ADGRB3: variants seen among roughly 807,000 people sequenced by gnomAD.
ADGRB3 encodes brain-specific angiogenesis inhibitor 3.
A neutral mutation model predicts 193.4 loss-of-function variants in ADGRB3; 37 were observed. That is an observed-to-expected ratio of 0.19 (90% confidence interval 0.15 to 0.25). The LOEUF is 0.25. Among genes scored for constraint, ADGRB3 ranks in the 10% least tolerant of loss-of-function variants. The pLI, the probability that ADGRB3 is intolerant of heterozygous loss-of-function variation, is 1.00. For missense variants in ADGRB3, 1,637 were observed against 1,852.9 expected (o/e 0.88, Z 2.14); for synonymous variants, 690 against 644.2 (o/e 1.07, Z -1.08).
intron 17 of ADGRB3, among the ~76,000 whole-genome samples, chr6:69,165,313 A>C (rs1262086750): frequency 6.6e-6 from 1 of 152,080 alleles, no homozygotes; most frequent in African/African-American, 2.4e-5. Context: ...CTAAATTAAG[A>C]ATCTCAGGAT....
chr6:68,716,210 G>A (rs1258275629), intron 3 of ADGRB3, among the ~76,000 whole-genome samples: 1 of 151,560 alleles, frequency 6.6e-6, no homozygotes, highest in African/African-American at 2.4e-5. Flanking sequence ...TAAATGTCTG[G>A]GAATACCTGG....
chr6:69,089,750 C>T (rs1295158964), intron 17 of ADGRB3, among the ~76,000 whole-genome samples: 3 of 152,170 alleles, frequency 2.0e-5, no homozygotes, highest in South Asian at 4.1e-4. Context: ...TCTTTCTCTA[C>T]CAAGTAGGAG....
intron 20 of ADGRB3, among the ~76,000 whole-genome samples, chr6:69,303,566 T>G (rs773525425): frequency 1.5e-4 from 23 of 151,996 alleles, no homozygotes; most frequent in Non-Finnish European, 3.2e-4. Flanking sequence ...GGCTATGTCC[T>G]GCATTCCCGC....
intron 17 of ADGRB3, among the ~76,000 whole-genome samples, chr6:69,160,826 T>C (rs1366515262): frequency 1.3e-5 from 2 of 152,130 alleles, no homozygotes; most frequent in African/African-American, 4.8e-5. Flanking sequence ...TAGTTTTATA[T>C]AGGCAATTAC....
intron 3 of ADGRB3, among the ~76,000 whole-genome samples, chr6:68,756,948 T>G (rs1253221769): frequency 6.6e-6 from 1 of 152,150 alleles, no homozygotes; most frequent in Non-Finnish European, 1.5e-5. Flanking sequence ...TCATTTCTCA[T>G]GTCTGTGGCA....
chr6:69,158,363 A>G (rs1460087470), intron 17 of ADGRB3, among the ~76,000 whole-genome samples: 1 of 151,778 alleles, frequency 6.6e-6, no homozygotes, highest in Non-Finnish European at 1.5e-5. Flanking sequence ...ATAACCTAAG[A>G]TGATTAAACT....
intron 3 of ADGRB3, among the ~76,000 whole-genome samples, chr6:68,784,672 C>T (rs929146133): frequency 3.3e-5 from 5 of 152,036 alleles, no homozygotes; most frequent in Non-Finnish European, 4.4e-5. Context: ...ACCTTGTTTC[C>T]ATTATGCTGC....
chr6:68,731,341 A>G (rs1765771322), intron 3 of ADGRB3, among the ~76,000 whole-genome samples: 1 of 151,568 alleles, frequency 6.6e-6, no homozygotes, highest in African/African-American at 2.4e-5. Flanking sequence ...TGTTCAATTC[A>G]TTTACAAAAA....
intron 3 of ADGRB3, among the ~76,000 whole-genome samples, chr6:68,803,575 C>T (rs1308530256): frequency 6.6e-6 from 1 of 152,154 alleles, no homozygotes; most frequent in Admixed American, 6.6e-5. Context: ...AGACTTTTGC[C>T]ATATGTTTCT....
At position 69,146,297 on chromosome 6, in the gene ADGRB3, G is replaced by A. The variant is rs551943758; in HGVS notation, c.2480+70259G>A. On this transcript the variant is annotated intron_variant, in intron 17 of 31. Transcript: ENST00000370598. ...CCTGGCCAGGTTGTGACAGTGCCCAGGCTTGGCTTCAACTTTGCTCAAAGA... is the reference window on the plus strand; with the variant it reads ...CCTGGCCAGGTTGTGACAGTGCCCAAGCTTGGCTTCAACTTTGCTCAAAGA... 8.5e-5 allele frequency among the ~76,000 whole-genome samples: 13 copies of A among 152,346 alleles called. 1 individual carries two copies. In the South Asian group the frequency reaches 2.5e-3, roughly 29 times the overall value.
chr6:69,054,508 C>T (rs1301985060), intron 15 of ADGRB3, among the ~76,000 whole-genome samples: 1 of 152,142 alleles, frequency 6.6e-6, no homozygotes, highest in East Asian at 1.9e-4. Context: ...TTAATTCTCA[C>T]TTTGCAATGG....
At chr6:68,735,130 C>T (rs1765847292) in intron 3 of ADGRB3, among the ~76,000 whole-genome samples, 1 of 151,482 alleles carries the variant, frequency 6.6e-6, no homozygotes. Context: ...TATTTTTTTA[C>T]TTGTAATGAG....
chr6:69,260,964 T>G (rs1417477354), intron 20 of ADGRB3, among the ~76,000 whole-genome samples: 1 of 152,174 alleles, frequency 6.6e-6, no homozygotes, highest in African/African-American at 2.4e-5. Flanking sequence ...AGATCCTTCC[T>G]AATGGCAATT....
chr6:69,345,070 A>G (rs1345344934), intron 26 of ADGRB3, among the ~76,000 whole-genome samples: 12 of 152,068 alleles, frequency 7.9e-5, no homozygotes, highest in African/African-American at 2.4e-4. Context: ...AGGACAAAGC[A>G]TTGACTAAGT....
At chr6:69,340,908 T>C (rs1319957387) in intron 26 of ADGRB3, among the ~76,000 whole-genome samples, 3 of 152,206 alleles carry the variant, frequency 2.0e-5, no homozygotes, top group Non-Finnish European at 4.4e-5. Context: ...AATGATGGTT[T>C]CCAACTTCAT....
At chr6:68,867,149 A>T (rs1765318790) in intron 3 of ADGRB3, among the ~76,000 whole-genome samples, 1 of 152,198 alleles carries the variant, frequency 6.6e-6, no homozygotes, top group Admixed American at 6.5e-5. Context: ...AGCTCTTCCC[A>T]TCACAGACCT....
At chr6:68,788,366 G>A (rs185522733) in intron 3 of ADGRB3, among the ~76,000 whole-genome samples, 20 of 152,024 alleles carry the variant, frequency 1.3e-4, no homozygotes, top group South Asian at 4.2e-4. Flanking sequence ...CTTTGTTCTC[G>A]TTGGTTTCAA....
At chr6:69,031,056 C>CTTTTTTTT (rs1770653462) in intron 13 of ADGRB3, among the ~76,000 whole-genome samples, 1 of 38,210 alleles carries the variant, frequency 2.6e-5, no homozygotes, top group Non-Finnish European at 5.7e-5. Flanking sequence ...CTTCTCTTCT[C>CTTTTTTTT]TTCTCTTCTC....
intron 26 of ADGRB3, among the ~76,000 whole-genome samples, chr6:69,350,333 T>A (rs1296346): frequency 1.3e-5 from 2 of 151,072 alleles, no homozygotes; most frequent in Non-Finnish European, 2.9e-5. Flanking sequence ...GCCATTAGAT[T>A]GCCTTAAAGT....
Sources: gnomAD v4.1 joint callset for allele counts (sites outside exome capture counted in the v4.1 genomes callset) on GRCh38, gnomAD v4.1.1 for gene constraint, MANE v1.5 for transcripts, NCBI Gene and HGNC (gene_info 2026-07-23, HGNC 2026-07-21) for gene names.